Variants in DNAAF4 observed in about 807,000 individuals in gnomAD.
DNAAF4 encodes the protein dynein assembly factor 4, axonemal.
DNAAF4 carries 43 observed loss-of-function variants against 51.8 expected under a neutral mutation model. The observed-to-expected ratio is 0.83, with a 90% CI of 0.65 to 1.07. The LOEUF (loss-of-function observed/expected upper bound fraction) is 1.07, where lower values mean the gene tolerates loss of function less well. DNAAF4 is among the 50% of genes least tolerant of loss of function. The pLI, the probability that DNAAF4 is intolerant of heterozygous loss-of-function variation, is 0.00. For missense variants in DNAAF4, 581 were observed against 493.0 expected, an observed-to-expected ratio of 1.18 and a Z score of -1.69; for synonymous variants, 194 against 165.6, an observed-to-expected ratio of 1.17 and a Z score of -1.32.
chr15:55,418,167 T>C (rs56070549), intron 7 of DNAAF4: 523,510 of 1,559,484 alleles, frequency 0.34, 94,968 homozygotes, highest in Non-Finnish European at 0.38. Context: ...CTGAATTAAA[T>C]TTTTTTTTTT....
Position 55,498,359 on chromosome 15 carries a change from C to G in DNAAF4, c.-30G>C, listed in dbSNP as rs1357725213. The G allele has an allele frequency of 6.3e-7, 1 of 1,589,252 alleles. No homozygotes were observed. The highest frequency in any genetic ancestry group is 8.6e-7 in the Non-Finnish European group (1 of 1,163,928). ...GTAGCAACGGGAGCGGATAGCGCGG[C>G]TGGTTGCTTCTTGCGCCTGCTTGGT... On this transcript the variant is annotated 5_prime_UTR_variant, in exon 2 of 10. Coordinates refer to ENST00000321149, the MANE Select transcript of DNAAF4 (RefSeq NM_130810.4).
rs1042245209 is a variant in DNAAF4, at chr15:55,498,444, C to G, written c.-115G>C. 3 of 1,462,876 alleles carry G rather than the reference C, an allele frequency of 2.1e-6. No individual in the cohort carries two copies. The highest frequency in any genetic ancestry group is 2.4e-5 in the East Asian group (1 of 40,912). 90.6% of individuals were successfully genotyped at this position (1,462,876 alleles called of 1,614,324 possible). The stretch of plus-strand genomic sequence containing the variant: ...TTCCGGGTCAGGCCGGCCGGGAGCC[C>G]GGCGTTCCCAGCGTGCTCCGGCGCC... On this transcript the variant is annotated 5_prime_UTR_variant, in exon 2 of 10. Coordinates refer to ENST00000321149, the MANE Select transcript of DNAAF4 (RefSeq NM_130810.4).
intron 7 of DNAAF4, chr15:55,418,520 C>A: frequency 6.6e-7 from 1 of 1,522,628 alleles, no homozygotes; most frequent in Non-Finnish European, 8.8e-7. Context: ...AAATACTGCA[C>A]CTGACAGAAC....
chr15:55,463,479 A>G (rs1274230435), intron 5 of DNAAF4, among the ~76,000 whole-genome samples: 1 of 152,172 alleles, frequency 6.6e-6, no homozygotes, highest in African/African-American at 2.4e-5. Flanking sequence ...CTAAATCAGT[A>G]AGGAGGAAGT....
intron 6 of DNAAF4, among the ~76,000 whole-genome samples, chr15:55,444,764 A>G (rs574656654): frequency 6.6e-6 from 1 of 152,064 alleles, no homozygotes; most frequent in Non-Finnish European, 1.5e-5. Flanking sequence ...TCCTTCACAT[A>G]CCTTGTAAGT....
At chr15:55,503,704 G>T (rs893415380) in intron 1 of DNAAF4, among the ~76,000 whole-genome samples, 2 of 152,082 alleles carry the variant, frequency 1.3e-5, no homozygotes, top group Non-Finnish European at 2.9e-5. Context: ...TGCAGAAAAG[G>T]CTTTTGACAA....
At chr15:55,476,921 C>G (rs1181385593) in intron 4 of DNAAF4, among the ~76,000 whole-genome samples, 1 of 151,892 alleles carries the variant, frequency 6.6e-6, no homozygotes, top group East Asian at 1.9e-4. Context: ...CTGTAATCCC[C>G]GAACTTTGGG....
At chr15:55,503,127 T>C (rs976265513) in intron 1 of DNAAF4, among the ~76,000 whole-genome samples, 5 of 149,780 alleles carry the variant, frequency 3.3e-5, no homozygotes, top group South Asian at 2.2e-4. Context: ...CAAACTACCA[T>C]CAGAGAATAC....
chr15:55,496,353 G>A (rs142858770), intron 3 of DNAAF4, among the ~76,000 whole-genome samples: 2 of 152,322 alleles, frequency 1.3e-5, no homozygotes, highest in African/African-American at 4.8e-5. Flanking sequence ...CTGGATTAGA[G>A]TATTATTTTA....
intron 8 of DNAAF4, among the ~76,000 whole-genome samples, chr15:55,432,949 C>CA (rs200117262): frequency 1.6e-3 from 238 of 149,826 alleles, no homozygotes; most frequent in African/African-American, 4.8e-3. Flanking sequence ...GAATCCGTCT[C>CA]AAAAAAAACA....
intron 4 of DNAAF4, among the ~76,000 whole-genome samples, chr15:55,481,367 G>C (rs1422215681): frequency 6.6e-6 from 1 of 152,156 alleles, no homozygotes; most frequent in Non-Finnish European, 1.5e-5. Flanking sequence ...CCCTGGTCAA[G>C]GATACTAAGC....
downstream of DNAAF4, among the ~76,000 whole-genome samples, chr15:55,429,764 C>T (rs765891113): frequency 2.8e-4 from 42 of 151,442 alleles, no homozygotes; most frequent in Non-Finnish European, 5.3e-4. Flanking sequence ...TTGCAGTGAG[C>T]CAAGATCGCG....
intron 5 of DNAAF4, among the ~76,000 whole-genome samples, chr15:55,459,901 A>G (rs1224119572): frequency 1.3e-5 from 2 of 151,922 alleles, no homozygotes; most frequent in Non-Finnish European, 2.9e-5. Flanking sequence ...ACAGAGTTTC[A>G]CCATGTTGGC....
intron 5 of DNAAF4, among the ~76,000 whole-genome samples, chr15:55,452,473 GACC>G (rs2057951330): frequency 1.3e-5 from 2 of 151,710 alleles, no homozygotes; most frequent in African/African-American, 4.8e-5. Flanking sequence ...ATATTACAGT[GACC>G]ACTAGTTACA....
chr15:55,485,477 T>C (rs190717020), intron 4 of DNAAF4, among the ~76,000 whole-genome samples: 1 of 152,322 alleles, frequency 6.6e-6, no homozygotes, highest in African/African-American at 2.4e-5. Flanking sequence ...TCATACCTTA[T>C]CTGCATGATC....
chr15:55,459,653 C>T (rs1342797967), intron 5 of DNAAF4, among the ~76,000 whole-genome samples: 1 of 152,020 alleles, frequency 6.6e-6, no homozygotes, highest in Non-Finnish European at 1.5e-5. Flanking sequence ...ATATTCCATG[C>T]AAATGAACAC....
At chr15:55,485,352 G>C (rs185955483) in intron 4 of DNAAF4, among the ~76,000 whole-genome samples, 114 of 152,298 alleles carry the variant, frequency 7.5e-4, no homozygotes, top group African/African-American at 2.6e-3. Context: ...TGGCAAAGCA[G>C]TTCATTGTGG....
intron 4 of DNAAF4, among the ~76,000 whole-genome samples, chr15:55,489,403 GTGACTCATGCCTGTAATCCCAACACTT>G: frequency 6.6e-6 from 1 of 152,296 alleles, no homozygotes; most frequent in African/African-American, 2.4e-5. Flanking sequence ...GCTCAGTGCG[GTGACTCATGCCTGTAATCCCAACACTT>G]TGGGAGGCCA....
chr15:55,504,056 T>A (rs1307219592), intron 1 of DNAAF4, among the ~76,000 whole-genome samples: 1 of 152,208 alleles, frequency 6.6e-6, no homozygotes, highest in African/African-American at 2.4e-5. Flanking sequence ...CTCCTTAAGC[T>A]GATAAGCAAC....
Sources: gnomAD v4.1 joint callset for allele counts (sites outside exome capture counted in the v4.1 genomes callset) on GRCh38, gnomAD v4.1.1 for gene constraint, MANE v1.5 for transcripts, NCBI Gene and HGNC (gene_info 2026-07-23, HGNC 2026-07-21) for gene names.